SPATA13: variants seen among roughly 807,000 people sequenced by gnomAD.
SPATA13 encodes spermatogenesis associated 13.
Under a neutral mutation model 104.0 loss-of-function variants are expected in SPATA13, and 50 were observed. That is an observed-to-expected ratio of 0.48 (90% CI 0.38 to 0.61). The LOEUF is 0.61. Among genes scored for constraint, SPATA13 ranks in the 20% least tolerant of loss-of-function variants. The probability of loss-of-function intolerance (pLI) is 0.00; values close to 1 mark genes in which losing one functional copy is unlikely to be tolerated. For synonymous variants in SPATA13, 606 were observed against 667.5 expected, an observed-to-expected ratio of 0.91 and a Z score of 1.42; for missense variants, 1,524 against 1,690.6, an observed-to-expected ratio of 0.90 and a Z score of 1.73.
At chr13:24,236,443 A>T (rs952620983) in intron 2 of SPATA13, among the ~76,000 whole-genome samples, 2 of 152,004 alleles carry the variant, frequency 1.3e-5, no homozygotes, top group Admixed American at 6.6e-5. Context: ...ATATAAAAAA[A>T]AATTAGCTGG....
chr13:24,274,076 CG>C (rs1874804368), intron 4 of SPATA13, among the ~76,000 whole-genome samples: 1 of 152,096 alleles, frequency 6.6e-6, no homozygotes, highest in Non-Finnish European at 1.5e-5. Context: ...TCAGCGTGGA[CG>C]GATGGAAGGA....
chr13:23,986,779 A>G (rs1335741984), intron 2 of SPATA13, among the ~76,000 whole-genome samples: 1 of 152,154 alleles, frequency 6.6e-6, no homozygotes, highest in African/African-American at 2.4e-5. Context: ...GCCATACAGC[A>G]GTCATTTGGC....
At chr13:24,269,695 A>C (rs1476887490) in intron 4 of SPATA13, among the ~76,000 whole-genome samples, 3 of 149,634 alleles carry the variant, frequency 2.0e-5, no homozygotes, top group Non-Finnish European at 3.0e-5. Context: ...CAGCCTCCTG[A>C]GTAGCTGGGA....
At chr13:24,187,487 C>T (rs769497669) in intron 1 of SPATA13, among the ~76,000 whole-genome samples, 6 of 152,130 alleles carry the variant, frequency 3.9e-5, no homozygotes, top group African/African-American at 9.7e-5. Context: ...TTGCATTTTG[C>T]GGAAATTGCA....
chr13:24,236,825 C>T (rs932701416), intron 2 of SPATA13, among the ~76,000 whole-genome samples: 5 of 152,132 alleles, frequency 3.3e-5, no homozygotes, highest in African/African-American at 1.2e-4. Context: ...CTGTGAAAAA[C>T]AGTGTGCTGA....
rs1339235204 is a variant in SPATA13, at chr13:24,276,209, C to T, written c.2165-7926C>T. On this transcript the variant is annotated intron_variant, in intron 4 of 12. Transcript: ENST00000382108. Reference sequence around the variant, plus strand: ...TAGTAAAAGGAGCCCAAATGTTCACCCACAAACAGGTAAACAGAATGTGGT... The same window carrying T: ...TAGTAAAAGGAGCCCAAATGTTCACTCACAAACAGGTAAACAGAATGTGGT... 2.6e-5 allele frequency among the ~76,000 whole-genome samples: 4 copies of T among 152,250 alleles called. No individual in the cohort carries two copies. In the East Asian group the frequency reaches 7.7e-4, roughly 29 times the overall value.
At chr13:24,229,917 G>T (rs1008792237) in intron 2 of SPATA13, among the ~76,000 whole-genome samples, 3 of 152,126 alleles carry the variant, frequency 2.0e-5, no homozygotes, top group Non-Finnish European at 4.4e-5. Context: ...CCATAAAAGT[G>T]GTAAAAGCAA....
intron 2 of SPATA13, among the ~76,000 whole-genome samples, chr13:24,246,851 G>A (rs781362011): frequency 2.6e-5 from 4 of 151,756 alleles, no homozygotes; most frequent in Admixed American, 1.3e-4. Flanking sequence ...GACAGAGTAC[G>A]ACTCCATCTC....
intron 2 of SPATA13, among the ~76,000 whole-genome samples, chr13:23,997,318 A>G (rs1258373172): frequency 6.6e-6 from 1 of 152,246 alleles, no homozygotes; most frequent in Non-Finnish European, 1.5e-5. Context: ...CACCAAAAGT[A>G]GAACACGCAT....
chr13:24,116,771 C>T (rs972399145), intron 3 of SPATA13, among the ~76,000 whole-genome samples: 2 of 98,222 alleles, frequency 2.0e-5, no homozygotes, highest in South Asian at 3.3e-4. Flanking sequence ...CCCTACCAGC[C>T]CCCCCCCCCC....
intron 2 of SPATA13, among the ~76,000 whole-genome samples, chr13:24,002,397 A>G (rs928169540): frequency 7.9e-5 from 12 of 152,148 alleles, no homozygotes; most frequent in African/African-American, 2.7e-4. Context: ...GAATTCGAGT[A>G]GGAGGGAAAT....
chr13:24,247,203 G>A (rs1470575468), intron 2 of SPATA13, among the ~76,000 whole-genome samples: 1 of 152,184 alleles, frequency 6.6e-6, no homozygotes, highest in Non-Finnish European at 1.5e-5. Context: ...AAAGGTGGCA[G>A]CCCAGCAGGA....
chr13:24,160,378 T>G (rs898424480), upstream of SPATA13, among the ~76,000 whole-genome samples: 3 of 152,176 alleles, frequency 2.0e-5, no homozygotes, highest in African/African-American at 7.2e-5. Context: ...CCTGAGTAGC[T>G]GGGATCACAG....
intron 3 of SPATA13, among the ~76,000 whole-genome samples, chr13:24,106,707 A>G (rs1416573116): frequency 6.6e-6 from 1 of 152,226 alleles, no homozygotes; most frequent in African/African-American, 2.4e-5. Flanking sequence ...AAACTTAACA[A>G]ACAAGTTCAA....
intron 3 of SPATA13, among the ~76,000 whole-genome samples, chr13:24,117,074 G>C (rs1210367226): frequency 6.6e-6 from 1 of 152,178 alleles, no homozygotes; most frequent in Non-Finnish European, 1.5e-5. Flanking sequence ...ATGGAATTTT[G>C]TTAGAGCCAA....
rs1882487608 is a variant in SPATA13 at position 24,161,437 on chromosome 13, TA to T, written c.-112+506del. On this transcript the variant is annotated intron_variant, in intron 1 of 12. Transcript: ENST00000382108. This position sits in a 1 kb window ranked among gnomAD's most constrained non-coding sequence, Gnocchi z 4.5. ...AGTTTAGAAAGCAAGTTTCTCTTGG[TA>T]CCAGCGGAGTCTCGTCCCAGGGGAA... 6.6e-6 allele frequency among the ~76,000 whole-genome samples: 1 copy of T among 152,170 alleles called. No homozygotes were observed. The highest frequency in any genetic ancestry group is 6.5e-5 in the Admixed American group (1 of 15,286).
intron 4 of SPATA13, among the ~76,000 whole-genome samples, chr13:24,277,966 C>A (rs933781833): frequency 5.9e-5 from 9 of 152,044 alleles, no homozygotes; most frequent in African/African-American, 2.2e-4. Context: ...GAGTCATTAA[C>A]TTTAAGGGAC....
chr13:24,296,032 C>G (rs529807916), intron 10 of SPATA13, among the ~76,000 whole-genome samples: 81 of 152,264 alleles, frequency 5.3e-4, no homozygotes, highest in African/African-American at 1.8e-3. Flanking sequence ...GTTTTTAGAC[C>G]AAGCTACATT....
Position 24,230,213 on chromosome 13 carries a change from G to A in SPATA13, c.1653+5631G>A, listed in dbSNP as rs1188367210. 5.3e-5 allele frequency among the ~76,000 whole-genome samples: 8 copies of A among 152,356 alleles called. No homozygotes were observed. In the East Asian group the frequency reaches 1.5e-3, roughly 29 times the overall value. On this transcript the variant is annotated intron_variant, in intron 2 of 12. Transcript: ENST00000382108. ...CAAACAGTGCATAAGGAATTGTCAT[G>A]TACCTCACCACTCAACACCTGCTAT...
Sources: allele counts gnomAD v4.1 joint callset (sites outside exome capture counted in the v4.1 genomes callset), GRCh38; gene constraint gnomAD v4.1.1; non-coding constraint Gnocchi (gnomAD v3.1); transcripts MANE v1.5; gene names NCBI Gene and HGNC (gene_info 2026-07-23, HGNC 2026-07-21).